The following SPMIP4 variants were observed in gnomAD, a reference collection of about 807,000 sequenced individuals.
SPMIP4 encodes sperm microtubule inner protein 4.
chr7:25,141,705 C>A, the SPMIP4 span, among the ~76,000 whole-genome samples: 43 of 91,192 alleles, frequency 4.7e-4, no homozygotes, highest in South Asian at 4.3e-4. Context: ...AGTAGAAAAT[C>A]TGTTAAAAAA....
the SPMIP4 span, among the ~76,000 whole-genome samples, chr7:25,133,908 G>A: frequency 6.6e-6 from 1 of 152,168 alleles, no homozygotes; most frequent in South Asian, 2.1e-4. Context: ...GGACAAGTGA[G>A]TCTTAACTTT....
At chr7:25,142,599 A>G in the SPMIP4 span, 3 of 1,531,222 alleles carry the variant, frequency 2.0e-6, no homozygotes, top group East Asian at 2.3e-5. Context: ...AAATATTCCA[A>G]TTTTGTTCTA....
chr7:25,159,402 T>C, the SPMIP4 span, among the ~76,000 whole-genome samples: 134 of 152,218 alleles, frequency 8.8e-4, no homozygotes, highest in Non-Finnish European at 1.1e-3. Context: ...GAACCTTGCA[T>C]GCCAAGAAAT....
chr7:25,130,311 TC>T, the SPMIP4 span, among the ~76,000 whole-genome samples: 2 of 139,186 alleles, frequency 1.4e-5, no homozygotes, highest in African/African-American at 6.1e-5. Context: ...GGTTATCACT[TC>T]TTTTTTTTTT....
At chr7:25,134,950 T>C in the SPMIP4 span, 16 of 985,376 alleles carry the variant, frequency 1.6e-5, no homozygotes, top group South Asian at 7.5e-4. Context: ...AGAATGCAGT[T>C]GGAAAAAAAT....
chr7:25,160,070 T>A, the SPMIP4 span, among the ~76,000 whole-genome samples: 62 of 152,302 alleles, frequency 4.1e-4, 2 homozygotes, highest in East Asian at 0.012. Flanking sequence ...TAACAAATGC[T>A]GAGACACCTC....
chr7:25,179,138 G>C, the SPMIP4 span: 4 of 1,571,698 alleles, frequency 2.5e-6, no homozygotes, highest in Non-Finnish European at 3.5e-6. Context: ...CATTAAAACT[G>C]CTTTTTCTTG....
chr7:25,157,740 T>C, the SPMIP4 span, among the ~76,000 whole-genome samples: 1,126 of 152,214 alleles, frequency 7.4e-3, 13 homozygotes, highest in African/African-American at 0.026. Context: ...CTGAATGTAA[T>C]GCGGTACTCT....
At chr7:25,155,064 A>G in the SPMIP4 span, 4 of 1,614,078 alleles carry the variant, frequency 2.5e-6, no homozygotes, top group Non-Finnish European at 3.4e-6. Context: ...CGTGGGAGGA[A>G]AGGGCTGCTG....
the SPMIP4 span, among the ~76,000 whole-genome samples, chr7:25,152,430 G>A: frequency 6.6e-6 from 1 of 152,158 alleles, no homozygotes; most frequent in African/African-American, 2.4e-5. Context: ...AAGAACAAGG[G>A]CTGGTGTTTA....
At chr7:25,142,134 C>T in the SPMIP4 span, 3 of 710,538 alleles carry the variant, frequency 4.2e-6, no homozygotes, top group South Asian at 5.5e-5. Flanking sequence ...GTAAAAATTT[C>T]CATTTGCTAA....
At chr7:25,136,581 C>G in the SPMIP4 span, 1 of 1,614,118 alleles carries the variant, frequency 6.2e-7, no homozygotes, top group Non-Finnish European at 8.5e-7. The surrounding 1 kb of genome is among the most constrained non-coding windows in gnomAD (Gnocchi z 5.7). Context: ...TTTTATGGGT[C>G]ACACCGGCTG....
the SPMIP4 span, chr7:25,158,681 CTT>C: frequency 2.8e-5 from 17 of 611,954 alleles, no homozygotes; most frequent in South Asian, 4.1e-5. Flanking sequence ...GGGCGGATCG[CTT>C]GAGCTCAGGA....
chr7:25,132,698 C>T, the SPMIP4 span, among the ~76,000 whole-genome samples: 1 of 152,122 alleles, frequency 6.6e-6, no homozygotes, highest in African/African-American at 2.4e-5. This position sits in a 1 kb window ranked among gnomAD's most constrained non-coding sequence, Gnocchi z 5.0. Flanking sequence ...TACTTCTATG[C>T]ATTTTATTGT....
the SPMIP4 span, chr7:25,126,052 T>C: frequency 6.3e-6 from 2 of 316,364 alleles, no homozygotes; most frequent in African/African-American, 1.3e-4. Context: ...ACGAAGTAGG[T>C]AAATATATAT....
At chr7:25,164,153 G>C in the SPMIP4 span, among the ~76,000 whole-genome samples, 34 of 152,278 alleles carry the variant, frequency 2.2e-4, no homozygotes, top group East Asian at 6.4e-3. Flanking sequence ...CCAAAGAGTG[G>C]AAGTGGGAGT....
At chr7:25,166,884 A>G in the SPMIP4 span, among the ~76,000 whole-genome samples, 25 of 148,226 alleles carry the variant, frequency 1.7e-4, no homozygotes, top group East Asian at 4.6e-3. Flanking sequence ...AACAAGAGTG[A>G]AACTCCACCT....
chr7:25,166,644 T>C, the SPMIP4 span, among the ~76,000 whole-genome samples: 2 of 151,958 alleles, frequency 1.3e-5, no homozygotes, highest in Non-Finnish European at 2.9e-5. Context: ...CCCAACACTT[T>C]GGGAGGCCGA....
the SPMIP4 span, chr7:25,151,567 T>G: frequency 7.1e-7 from 1 of 1,402,274 alleles, no homozygotes; most frequent in African/African-American, 1.4e-5. Context: ...GTTACTTTCC[T>G]TTAAACACAC....
Sources: gnomAD v4.1 joint callset for allele counts (sites outside exome capture counted in the v4.1 genomes callset) on GRCh38, gnomAD v4.1.1 for gene constraint, Gnocchi (gnomAD v3.1) non-coding constraint, MANE v1.5 for transcripts, NCBI Gene and HGNC (gene_info 2026-07-23, HGNC 2026-07-21) for gene names.